SYNPO2: variants seen among roughly 807,000 people sequenced by gnomAD.
SYNPO2 encodes synaptopodin 2, also known as synaptopodin-2.
In SYNPO2, 56 loss-of-function variants were observed where a neutral mutation model predicts 85.0. That is an observed-to-expected ratio of 0.66 (90% CI 0.53 to 0.82). SYNPO2 has a LOEUF of 0.82. Ranked by LOEUF, SYNPO2 falls within the 40% of genes least tolerant of loss-of-function variation. SYNPO2 has a pLI of 0.00. For missense variants in SYNPO2, 1,575 were observed against 1,534.2 expected (o/e 1.03, Z -0.44); for synonymous variants, 602 against 591.1 (o/e 1.02, Z -0.27).
chr4:118,877,520 GA>G (rs1456038346), intron 1 of SYNPO2, among the ~76,000 whole-genome samples: 1 of 151,948 alleles, frequency 6.6e-6, no homozygotes, highest in Non-Finnish European at 1.5e-5. Flanking sequence ...AGCAAAAACT[GA>G]ACCCCATTAA....
intron 1 of SYNPO2, among the ~76,000 whole-genome samples, chr4:119,003,444 C>T (rs566150330): frequency 2.4e-4 from 36 of 152,312 alleles, no homozygotes; most frequent in African/African-American, 8.4e-4. Flanking sequence ...CAAACCATAT[C>T]ACTGCTATTC....
intron 2 of SYNPO2, among the ~76,000 whole-genome samples, chr4:119,025,380 C>T (rs559759096): frequency 1.1e-4 from 17 of 152,026 alleles, no homozygotes; most frequent in Non-Finnish European, 1.3e-4. Flanking sequence ...TTTTTTAATA[C>T]GATATTATAA....
chr4:119,032,036 A>G lies in SYNPO2; in HGVS notation c.3252+9A>G. 2 of 1,613,588 alleles carry G rather than the reference A, an allele frequency of 1.2e-6. No individual in the cohort carries two copies. Among genetic ancestry groups the G allele is most frequent in the Non-Finnish European group, 1.7e-6 (2 of 1,179,762 alleles). ...GTGGTGTCACAATTCAGGTGTGGAA[A>G]CCATCTGTTGTGGAAGAGTAATCTT... On this transcript the variant is annotated intron_variant, in intron 4 of 4. Coordinates refer to ENST00000307142, the MANE Select transcript of SYNPO2 (RefSeq NM_133477.3).
chr4:118,975,771 AC>A (rs773192212), intron 1 of SYNPO2, among the ~76,000 whole-genome samples: 1 of 152,132 alleles, frequency 6.6e-6, no homozygotes, highest in African/African-American at 2.4e-5. Context: ...CCAGTCTCAT[AC>A]CCCAAAAAAC....
At chr4:118,954,848 T>A (rs1366450466) in intron 1 of SYNPO2, among the ~76,000 whole-genome samples, 1 of 152,142 alleles carries the variant, frequency 6.6e-6, no homozygotes, top group Non-Finnish European at 1.5e-5. Context: ...ACTCATTTAA[T>A]CCACACAATA....
chr4:118,947,376 G>T (rs1315654766), intron 1 of SYNPO2, among the ~76,000 whole-genome samples: 1 of 152,138 alleles, frequency 6.6e-6, no homozygotes, highest in East Asian at 1.9e-4. Flanking sequence ...TTGTTTCTAT[G>T]CCTGGATTCC....
chr4:118,861,109 T>TC (rs1265278890), intron 1 of SYNPO2, among the ~76,000 whole-genome samples: 1 of 152,162 alleles, frequency 6.6e-6, no homozygotes, highest in Non-Finnish European at 1.5e-5. Flanking sequence ...CTTTGCCCAC[T>TC]CCAATGTCCT....
intron 4 of SYNPO2, among the ~76,000 whole-genome samples, chr4:119,050,098 G>A (rs1375577501): frequency 6.6e-6 from 1 of 152,070 alleles, no homozygotes; most frequent in Non-Finnish European, 1.5e-5. Flanking sequence ...TTAGGAGGTT[G>A]AGGCAGGCAG....
chr4:119,007,699 G>C (rs972833375), intron 1 of SYNPO2, among the ~76,000 whole-genome samples: 46 of 152,224 alleles, frequency 3.0e-4, no homozygotes, highest in African/African-American at 1.1e-3. Flanking sequence ...CTAGTGCCAG[G>C]AGTGTCATGC....
chr4:118,945,686 C>T (rs1734473835), intron 1 of SYNPO2, among the ~76,000 whole-genome samples: 1 of 152,138 alleles, frequency 6.6e-6, no homozygotes, highest in African/African-American at 2.4e-5. Flanking sequence ...ACAATTTGTT[C>T]CTCAAAAGTT....
chr4:119,034,287 A>T (rs1160278245), intron 4 of SYNPO2: 1 of 985,128 alleles, frequency 1.0e-6, no homozygotes, highest in East Asian at 1.1e-4. Flanking sequence ...AAGACATGGA[A>T]CACACAGGTA....
chr4:118,854,925 T>C (rs1425614171), intron 1 of SYNPO2, among the ~76,000 whole-genome samples: 1 of 152,118 alleles, frequency 6.6e-6, no homozygotes, highest in East Asian at 1.9e-4. Context: ...TAATCAAATT[T>C]AAAATGCTTG....
chr4:118,945,243 T>C (rs936063666), intron 1 of SYNPO2, among the ~76,000 whole-genome samples: 2 of 152,218 alleles, frequency 1.3e-5, no homozygotes, highest in African/African-American at 4.8e-5. Flanking sequence ...CAGAGGATCA[T>C]GTTTTAAAAA....
intron 1 of SYNPO2, among the ~76,000 whole-genome samples, chr4:119,007,133 C>T (rs1470651440): frequency 6.8e-6 from 1 of 146,940 alleles, no homozygotes; most frequent in Non-Finnish European, 1.5e-5. Flanking sequence ...TCTCTCTTCT[C>T]TCTCTGTCTC....
chr4:119,007,267 T>TATAC (rs774553178), intron 1 of SYNPO2, among the ~76,000 whole-genome samples: 21,403 of 73,744 alleles, frequency 0.29, 4,079 homozygotes, highest in South Asian at 0.39. Context: ...TATATATATA[T>TATAC]ATATATATGT....
At chr4:118,909,409 G>T (rs1178041752) in intron 1 of SYNPO2, among the ~76,000 whole-genome samples, 1 of 152,150 alleles carries the variant, frequency 6.6e-6, no homozygotes, top group Non-Finnish European at 1.5e-5. Flanking sequence ...AGAGGGGAGA[G>T]CATGTGTGAG....
At chr4:118,900,723 A>ATGTCTGTCTGTC (rs1468599787) in intron 1 of SYNPO2, among the ~76,000 whole-genome samples, 3 of 113,258 alleles carry the variant, frequency 2.6e-5, no homozygotes, top group Non-Finnish European at 3.8e-5. Context: ...ATATATATAT[A>ATGTCTGTCTGTC]TATATATATG....
At chr4:118,975,189 A>G (rs17050198) in intron 1 of SYNPO2, among the ~76,000 whole-genome samples, 3,347 of 152,298 alleles carry the variant, frequency 0.022, 96 homozygotes, top group African/African-American at 0.069. Flanking sequence ...TATGGGCCAC[A>G]TATCGCTCAG....
At chr4:119,055,156 T>A (rs1040005764) in intron 4 of SYNPO2, among the ~76,000 whole-genome samples, 26 of 131,404 alleles carry the variant, frequency 2.0e-4, no homozygotes, top group African/African-American at 1.0e-3. Context: ...TTTATTTATT[T>A]ATTTTTTTTT....
Sources: gnomAD v4.1 joint callset for allele counts (sites outside exome capture counted in the v4.1 genomes callset) on GRCh38, gnomAD v4.1.1 for gene constraint, MANE v1.5 for transcripts, NCBI Gene and HGNC (gene_info 2026-07-23, HGNC 2026-07-21) for gene names.